CCNI2: variants seen among roughly 807,000 people sequenced by gnomAD.
The protein encoded by CCNI2 is cyclin-I2.
Under a neutral mutation model 33.2 loss-of-function variants are expected in CCNI2, and 32 were observed. The observed-to-expected ratio is 0.96, with a 90% CI of 0.73 to 1.30. The LOEUF (loss-of-function observed/expected upper bound fraction) is 1.30, where lower values mean the gene tolerates loss of function less well. CCNI2 is among the 50% of genes most tolerant of loss of function. CCNI2 has a pLI of 0.00. For missense variants in CCNI2, 452 were observed against 486.2 expected (o/e 0.93, Z 0.66); for synonymous variants, 231 against 219.9 (o/e 1.05, Z -0.45).
chr5:132,748,379 G>A lies in CCNI2; in HGVS notation c.462G>A (p.Val154=). The A allele has an allele frequency of 6.2e-7, 1 of 1,614,188 alleles. No individual in the cohort carries two copies. Among genetic ancestry groups the A allele is most frequent in the Non-Finnish European group, 8.5e-7 (1 of 1,180,036 alleles). Residue 154 remains valine, a synonymous_variant, in exon 2 of 6, where the codon GTG becomes GTA. Coordinates refer to ENST00000378731, the MANE Select transcript of CCNI2 (RefSeq NM_001039780.4). ...TCTGCGACGCCTTCGAGGAAGTCGT[G>A]CTGTGGCTCCTGCGGCTTCAGAACA... ...DEICDAFEEV[V]LWLLRLQNTF...
chr5:132,750,906 C>T lies in CCNI2; in HGVS notation c.683C>T (p.Ser228Phe), dbSNP rs201743940. 2 of 1,614,230 alleles carry T rather than the reference C, an allele frequency of 1.2e-6. No homozygotes were observed. Among genetic ancestry groups the T allele is most frequent in the East Asian group, 2.2e-5 (1 of 44,892 alleles). ...DFTKHYGSDY[S>F]PNELLRMELA... ...ACAAAGCACTATGGCTCTGACTATT[C>T]CCCGAATGAGCTGCTGAGGATGGAG... Residue 228 changes from serine to phenylalanine, a missense_variant, in exon 4 of 6, where the codon TCC becomes TTC. Coordinates refer to ENST00000378731, the MANE Select transcript of CCNI2 (RefSeq NM_001039780.4).
chr5:132,749,528 G>T, intron 3 of CCNI2, 106 bp downstream of exon 3: 1 of 953,090 alleles, frequency 1.0e-6, no homozygotes, highest in Non-Finnish European at 1.7e-6. Flanking sequence ...TATGGTGGAT[G>T]TTTTGAAAAA....
Position 132,747,666 on chromosome 5 carries a change from T to G in CCNI2, c.171T>G (p.Pro57=). ...PLPRSNRSRC[P]GTRQPGAASL... is the part of the protein sequence containing the mutation. The stretch of plus-strand genomic sequence containing the variant: ...CCCGAAGCAACCGGAGCAGGTGCCC[T>G]GGGACCCGCCAGCCCGGAGCGGCCT... Residue 57 remains proline, a synonymous_variant, in exon 1 of 6, where the codon CCT becomes CCG. Coordinates refer to ENST00000378731, the MANE Select transcript of CCNI2 (RefSeq NM_001039780.4). This position sits in a 1 kb window ranked among gnomAD's most constrained non-coding sequence, Gnocchi z 4.1. 6.7e-7 allele frequency: 1 copy of G among 1,502,866 alleles called. No homozygotes were observed. The highest frequency in any genetic ancestry group is 8.8e-7 in the Non-Finnish European group (1 of 1,133,052). 93.1% of individuals were successfully genotyped at this position (1,502,866 alleles called of 1,614,324 possible). A position where few individuals can be genotyped will look rare whatever the true frequency, so the allele number is the denominator to read the frequency against.
chr5:132,754,671 A>G (rs1268346893), downstream of CCNI2, among the ~76,000 whole-genome samples: 1 of 152,140 alleles, frequency 6.6e-6, no homozygotes, highest in Non-Finnish European at 1.5e-5. Context: ...TAAAAATCTT[A>G]TGTGCTTTTC....
rs1201446494 is a variant in CCNI2 at position 132,747,850 on chromosome 5, G to T, written c.355G>T (p.Glu119Ter). Residue 119 changes from glutamate to a stop codon, truncating the protein, a stop_gained, in exon 1 of 6, where the codon GAG becomes TAG. Coordinates refer to ENST00000378731, the MANE Select transcript of CCNI2 (RefSeq NM_001039780.4). LOFTEE classifies it high-confidence loss of function. This position sits in a 1 kb window ranked among gnomAD's most constrained non-coding sequence, Gnocchi z 4.1. ...KPRNLEGDLD[E>*]RRLLCHLQLA... is the part of the protein sequence containing the mutation. ...GCGCAACCTGGAAGGCGACCTGGAC[G>T]AGCGCCGGCTGCTCTGCCACTTGCA... 1.2e-5 allele frequency: 17 copies of T among 1,472,500 alleles called. No homozygotes were observed. The highest frequency in any genetic ancestry group is 1.4e-5 in the Non-Finnish European group (16 of 1,119,450). 91.2% of individuals were successfully genotyped at this position (1,472,500 alleles called of 1,614,324 possible). A position where few individuals can be genotyped will look rare whatever the true frequency, so the allele number is the denominator to read the frequency against.
At chr5:132,751,826 C>T (rs1754867521) in intron 4 of CCNI2, 140 bp from the exon 5 acceptor site, 9 of 1,040,258 alleles carry the variant, frequency 8.7e-6, no homozygotes, top group Non-Finnish European at 1.2e-5. Context: ...AAGCCCCTTA[C>T]GGAGCCATGG....
At chr5:132,749,250 C>T in intron 2 of CCNI2, 98 bp from the exon 3 acceptor site, 1 of 968,326 alleles carries the variant, frequency 1.0e-6, no homozygotes, top group Non-Finnish European at 1.6e-6. Context: ...AGTGAGACTC[C>T]ATGTCAAAAA....
rs901532078 is a variant in CCNI2 at position 132,747,624 on chromosome 5, G to C, written c.129G>C (p.Pro43=). The C allele has an allele frequency of 1.3e-6, 2 of 1,501,172 alleles. No individual in the cohort carries two copies. The highest frequency in any genetic ancestry group is 2.1e-5 in the Admixed American group (1 of 47,124). 93.0% of individuals were successfully genotyped at this position (1,501,172 alleles called of 1,614,324 possible). A position where few individuals can be genotyped will look rare whatever the true frequency, so the allele number is the denominator to read the frequency against. ...TALGVPLPPS[P]GEAPLPRSNR... ...TGGGCGTTCCTCTCCCGCCGTCTCC[G>C]GGGGAGGCCCCTCTGCCCCGAAGCA... is the stretch of plus-strand genomic sequence containing the variant. Residue 43 remains proline, a synonymous_variant, in exon 1 of 6, where the codon CCG becomes CCC. Transcript: ENST00000378731. The surrounding 1 kb of genome is among the most constrained non-coding windows in gnomAD (Gnocchi z 4.1).
intron 5 of CCNI2, among the ~76,000 whole-genome samples, chr5:132,752,482 AG>A (rs1357464992): frequency 2.6e-5 from 4 of 152,168 alleles, no homozygotes; most frequent in Non-Finnish European, 5.9e-5. Context: ...GTGGGGAGTC[AG>A]GGGTATGTCT....
In CCNI2 at chr5:132,747,774, C is replaced by A. The variant is rs747064228; in HGVS notation, c.279C>A (p.Pro93=). 3 of 1,468,240 alleles carry A rather than the reference C, an allele frequency of 2.0e-6. No homozygotes were observed. Among genetic ancestry groups the A allele is most frequent in the Non-Finnish European group, 2.7e-6 (3 of 1,117,692 alleles). 91.0% of individuals were successfully genotyped at this position (1,468,240 alleles called of 1,614,324 possible). The change falls in exon 1 of 6, where the codon CCC becomes CCA. Residue 93 remains proline, a synonymous_variant. Transcript: ENST00000378731. The surrounding 1 kb of genome is among the most constrained non-coding windows in gnomAD (Gnocchi z 4.1). ...APAGKTADAV[P]AAAPEQAPRP... is the part of the protein sequence containing the mutation. The stretch of plus-strand genomic sequence containing the variant: ...CCGGGAAAACCGCAGACGCGGTCCC[C>A]GCCGCCGCCCCAGAGCAAGCTCCGC...
At position 132,752,961 on chromosome 5, in the gene CCNI2, T is replaced by C; in HGVS notation, c.1101T>C (p.Pro367=). ...CCTGCACAGACAACTTTGTGTCACC[T>C]GCCAACTAGCCCCTCTGCCTCCACC... ...SSSCTDNFVS[P]AN is the part of the protein sequence containing the mutation. The change falls in exon 6 of 6, where the codon CCT becomes CCC. Residue 367 remains proline, a synonymous_variant. Coordinates refer to ENST00000378731, the MANE Select transcript of CCNI2 (RefSeq NM_001039780.4). 2 of 1,613,886 alleles carry C rather than the reference T, an allele frequency of 1.2e-6. No homozygotes were observed. Among genetic ancestry groups the C allele is most frequent in the African/African-American group, 1.3e-5 (1 of 75,058 alleles).
At position 132,752,203 on chromosome 5, in the gene CCNI2, A is replaced by G; in HGVS notation, c.1005+7A>G. The G allele has an allele frequency of 1.3e-6, 2 of 1,560,768 alleles. No individual in the cohort carries two copies. The highest frequency in any genetic ancestry group is 2.4e-5 in the South Asian group (2 of 84,868). On this transcript the variant is annotated splice_region_variant and intron_variant, in intron 5 of 5. Transcript: ENST00000378731. ...TCTGCTAAAGAAAGCACAGGTAGACATCAACTTTGCCCCAGACCAGGCTCT... is the reference window on the plus strand; with the variant it reads ...TCTGCTAAAGAAAGCACAGGTAGACGTCAACTTTGCCCCAGACCAGGCTCT...
At position 132,750,960 on chromosome 5, in the gene CCNI2, A is replaced by G; in HGVS notation, c.737A>G (p.Asp246Gly). 1 of 1,614,242 alleles carries G rather than the reference A, an allele frequency of 6.2e-7. No individual in the cohort carries two copies. Among genetic ancestry groups the G allele is most frequent in the Non-Finnish European group, 8.5e-7 (1 of 1,180,038 alleles). The change falls in exon 4 of 6, where the codon GAC becomes GGC. Residue 246 changes from aspartate to glycine, a missense_variant. Transcript: ENST00000378731. ...GCTATTCTGGACAGACTGCACTGGG[A>G]CCTCTATATTGGGACGCCGCTGGAC... ...ELAILDRLHW[D>G]LYIGTPLDFL... is the part of the protein sequence containing the mutation.
chr5:132,749,446 C>T, intron 3 of CCNI2, 24 bp downstream of exon 3: 2 of 1,585,924 alleles, frequency 1.3e-6, no homozygotes, highest in Middle Eastern at 1.7e-4. Flanking sequence ...GAAGTCCACA[C>T]TGGGCTGCAC....
chr5:132,748,210 A>ACTCC, intron 1 of CCNI2, 137 bp from the exon 2 acceptor site: 1 of 1,235,832 alleles, frequency 8.1e-7, no homozygotes, highest in Non-Finnish European at 1.1e-6. Context: ...GGGGGCGCTT[A>ACTCC]CTCCCAGCGG....
At chr5:132,751,208 T>C (rs1402877839) in intron 4 of CCNI2, 3 of 471,950 alleles carry the variant, frequency 6.4e-6, no homozygotes, top group East Asian at 3.4e-5. Flanking sequence ...CTAAAGGACA[T>C]TAAATTAACT....
chr5:132,748,460 C>T lies in CCNI2; in HGVS notation c.543C>T (p.Leu181=), dbSNP rs1316839315. The part of the protein sequence containing the change: ...FNLALTIFGR[L]LISVKVKEKY... ...TGGCCCTCACCATCTTTGGCCGCCT[C>T]CTGATTTCAGTGAAGGTAGGGAGGC... The change falls in exon 2 of 6, where the codon CTC becomes CTT. Residue 181 remains leucine (L), a synonymous_variant. Transcript: ENST00000378731. 8.1e-6 allele frequency: 13 copies of T among 1,614,164 alleles called. No individual in the cohort carries two copies. Among genetic ancestry groups the T allele is most frequent in the Non-Finnish European group, 1.0e-5 (12 of 1,180,016 alleles).
chr5:132,747,654 G>A lies in CCNI2; in HGVS notation c.159G>A (p.Arg53=), dbSNP rs1018163801. The change falls in exon 1 of 6, where the codon CGG becomes CGA. Residue 53 remains arginine (R), a synonymous_variant. Coordinates refer to ENST00000378731, the MANE Select transcript of CCNI2 (RefSeq NM_001039780.4). This position sits in a 1 kb window ranked among gnomAD's most constrained non-coding sequence, Gnocchi z 4.1. ...PGEAPLPRSN[R]SRCPGTRQPG... ...AGGCCCCTCTGCCCCGAAGCAACCG[G>A]AGCAGGTGCCCTGGGACCCGCCAGC... 6.7e-7 allele frequency: 1 copy of A among 1,503,570 alleles called. No individual in the cohort carries two copies. The highest frequency in any genetic ancestry group is 1.4e-5 in the African/African-American group (1 of 69,266). 93.1% of individuals were successfully genotyped at this position (1,503,570 alleles called of 1,614,324 possible). A position where few individuals can be genotyped will look rare whatever the true frequency, so the allele number is the denominator to read the frequency against.
Position 132,747,457 on chromosome 5 carries a change from G to C in CCNI2, c.-39G>C, listed in dbSNP as rs766213710. The stretch of plus-strand genomic sequence containing the variant: ...CCGGGAGCTGGGTTATAAAATGCCG[G>C]GTTAAGCGGCAACTCAGACTCAGGA... On this transcript the variant is annotated 5_prime_UTR_variant, in exon 1 of 6. Coordinates refer to ENST00000378731, the MANE Select transcript of CCNI2 (RefSeq NM_001039780.4). This position sits in a 1 kb window ranked among gnomAD's most constrained non-coding sequence, Gnocchi z 4.1. The C allele has an allele frequency of 1.4e-6, 2 of 1,399,926 alleles. No individual in the cohort carries two copies. The highest frequency in any genetic ancestry group is 9.2e-7 in the Non-Finnish European group (1 of 1,082,682). The allele number at this position is 1,399,926 out of a possible 1,614,324, so 86.7% of individuals were successfully genotyped here. A position where few individuals can be genotyped will look rare whatever the true frequency, so the allele number is the denominator to read the frequency against.
Sources: allele counts gnomAD v4.1 joint callset (sites outside exome capture counted in the v4.1 genomes callset), GRCh38; gene constraint gnomAD v4.1.1; non-coding constraint Gnocchi (gnomAD v3.1); transcripts MANE v1.5; gene names NCBI Gene and HGNC (gene_info 2026-07-23, HGNC 2026-07-21).